MEGF6: variants seen among roughly 807,000 people sequenced by gnomAD.
MEGF6 encodes the protein multiple EGF like domains 6, also known as multiple epidermal growth factor-like domains protein 6.
In MEGF6, 184 loss-of-function variants were observed where a neutral mutation model predicts 207.1. The ratio of observed to expected loss-of-function variants is 0.89; its 90% CI spans 0.79 to 1.00. The LOEUF is 1.00. MEGF6 is among the 50% of genes least tolerant of loss of function. MEGF6 has a pLI of 0.00. For missense variants in MEGF6, 2,282 were observed against 2,202.9 expected (o/e 1.04, Z -0.72); for synonymous variants, 1,038 against 910.0 (o/e 1.14, Z -2.53).
chr1:3,562,458 T>C (rs560628163), intron 4 of MEGF6, among the ~76,000 whole-genome samples: 8 of 152,276 alleles, frequency 5.3e-5, no homozygotes, highest in East Asian at 1.9e-4. Flanking sequence ...AACCCTCGCA[T>C]AGTCAATACC....
At chr1:3,562,916 C>T (rs908440073) in intron 4 of MEGF6, among the ~76,000 whole-genome samples, 6 of 152,132 alleles carry the variant, frequency 3.9e-5, no homozygotes, top group Non-Finnish European at 5.9e-5. Flanking sequence ...CCTCTGTACA[C>T]CCACCCCCAG....
intron 4 of MEGF6, among the ~76,000 whole-genome samples, chr1:3,545,381 G>A (rs879631013): frequency 3.3e-5 from 5 of 152,248 alleles, no homozygotes; most frequent in African/African-American, 1.2e-4. Flanking sequence ...ACAGGCAGCC[G>A]CAGGGGGGAA....
chr1:3,537,404 G>A (rs1300850179), intron 4 of MEGF6, among the ~76,000 whole-genome samples: 4 of 152,254 alleles, frequency 2.6e-5, no homozygotes, highest in African/African-American at 9.6e-5. Flanking sequence ...CCTGACCGAG[G>A]TGGCCATGTT....
At chr1:3,526,288 T>C (rs1641959035) in intron 4 of MEGF6, among the ~76,000 whole-genome samples, 3 of 151,644 alleles carry the variant, frequency 2.0e-5, no homozygotes, top group African/African-American at 7.3e-5. Flanking sequence ...AGACCAACTA[T>C]AGGAGGTGCC....
intron 4 of MEGF6, among the ~76,000 whole-genome samples, chr1:3,554,007 G>A (rs1474451546): frequency 2.6e-5 from 4 of 152,208 alleles, no homozygotes; most frequent in Non-Finnish European, 4.4e-5. Flanking sequence ...AACACCTCAG[G>A]GGCAGGGACA....
At chr1:3,542,808 G>A (rs558388846) in intron 4 of MEGF6, among the ~76,000 whole-genome samples, 50 of 152,312 alleles carry the variant, frequency 3.3e-4, no homozygotes, top group African/African-American at 1.2e-3. Context: ...TGACACCAAC[G>A]GCTGGTTCTG....
At chr1:3,596,220 C>T (rs963657182) in intron 2 of MEGF6, among the ~76,000 whole-genome samples, 7 of 152,030 alleles carry the variant, frequency 4.6e-5, no homozygotes, top group Admixed American at 1.3e-4. Context: ...GGACGGGCTG[C>T]GGCTGTCACT....
chr1:3,597,337 C>G (rs1194656128), intron 2 of MEGF6, among the ~76,000 whole-genome samples: 1 of 152,080 alleles, frequency 6.6e-6, no homozygotes, highest in Non-Finnish European at 1.5e-5. Flanking sequence ...ACGCCTGGGT[C>G]CTCACCCCTC....
rs188261325 is a variant in MEGF6 at position 3,505,523 on chromosome 1, G to C, written c.1952C>G (p.Ser651Trp). 151 of 1,597,166 alleles carry C rather than the reference G, an allele frequency of 9.5e-5. No homozygotes were observed. The highest frequency in any genetic ancestry group is 1.7e-4 in the Middle Eastern group (1 of 5,756). The change falls in exon 16 of 37, where the codon TCG becomes TGG. Residue 651 changes from serine (S) to tryptophan (W), a missense_variant. Physicochemically the swap from Ser to Trp is radical, Grantham distance 177. Transcript: ENST00000356575. ...GGGCTGCACACACTGGCACTCCTCCGAGCAGCCCGGCCCAAAGGCCCACGG... is the reference window on the plus strand; with the variant it reads ...GGGCTGCACACACTGGCACTCCTCCCAGCAGCCCGGCCCAAAGGCCCACGG... ...CPPWAFGPGC[S>W]EECQCVQPHT... is the part of the protein sequence containing the mutation.
chr1:3,584,954 G>A (rs985146958), intron 3 of MEGF6, among the ~76,000 whole-genome samples: 1 of 152,282 alleles, frequency 6.6e-6, no homozygotes, highest in Non-Finnish European at 1.5e-5. Flanking sequence ...GTGCTGAAGA[G>A]GGAACAGAAG....
chr1:3,577,210 T>TG (rs1643668492), intron 4 of MEGF6, among the ~76,000 whole-genome samples: 1 of 152,066 alleles, frequency 6.6e-6, no homozygotes, highest in Non-Finnish European at 1.5e-5. Context: ...AACTGCCCCC[T>TG]GTGAAGGCCA....
Position 3,588,758 on chromosome 1 carries a change from T to G in MEGF6, c.376+6580A>C, listed in dbSNP as rs190319440. On this transcript the variant is annotated intron_variant, in intron 3 of 36. Coordinates refer to ENST00000356575, the MANE Select transcript of MEGF6 (RefSeq NM_001409.4). ...CTCTCTAGACTCAGTTCTTGCTCCA[T>G]CTGCAAATCCAGAATCCCACCCCTT... 2.5e-3 allele frequency among the ~76,000 whole-genome samples: 373 copies of G among 152,154 alleles called. 4 individuals carry two copies. Among genetic ancestry groups the G allele is most frequent in the African/African-American group, 8.3e-3 (343 of 41,486 alleles).
At chr1:3,495,300 G>GA (rs781403437) in intron 30 of MEGF6, among the ~76,000 whole-genome samples, 2 of 152,170 alleles carry the variant, frequency 1.3e-5, no homozygotes, top group Non-Finnish European at 2.9e-5. Context: ...AATGAGCCCA[G>GA]AAGGCCAAGA....
chr1:3,504,782 G>GCACC (rs1173806451), intron 17 of MEGF6, among the ~76,000 whole-genome samples: 1 of 152,186 alleles, frequency 6.6e-6, no homozygotes, highest in Non-Finnish European at 1.5e-5. Flanking sequence ...GGCCGGCACT[G>GCACC]CACCCAGACC....
At chr1:3,614,283 G>C (rs572491298), upstream of MEGF6, among the ~76,000 whole-genome samples, 12 of 152,296 alleles carry the variant, frequency 7.9e-5, no homozygotes, top group African/African-American at 2.6e-4. Context: ...GGAGGGCATG[G>C]GTGTCACTCA....
Position 3,498,810 on chromosome 1 carries a change from C to T in MEGF6, c.3111G>A (p.Leu1037=), listed in dbSNP as rs780809048. ...AGGAATGCCGACAGTTGTCGCCGTACAGGCCGGCAGGGCAGGCTGGGGCCA... is the reference window on the plus strand; with the variant it reads ...AGGAATGCCGACAGTTGTCGCCGTATAGGCCGGCAGGGCAGGCTGGGGCCA... ...PSCLQACPAG[L]YGDNCRHSCL... Residue 1037 remains leucine, a synonymous_variant, in exon 25 of 37, where the codon CTG becomes CTA. Coordinates refer to ENST00000356575, the MANE Select transcript of MEGF6 (RefSeq NM_001409.4). The T allele has an allele frequency of 1.9e-6, 3 of 1,553,784 alleles. No individual in the cohort carries two copies. The highest frequency in any genetic ancestry group is 2.4e-5 in the South Asian group (2 of 84,398).
chr1:3,517,372 G>A (rs1215713103), intron 5 of MEGF6, among the ~76,000 whole-genome samples: 1 of 152,196 alleles, frequency 6.6e-6, no homozygotes, highest in Non-Finnish European at 1.5e-5. Context: ...AGCCCACCAG[G>A]GCGGGGGGAT....
intron 4 of MEGF6, among the ~76,000 whole-genome samples, chr1:3,553,382 G>A (rs999755302): frequency 1.3e-5 from 2 of 151,788 alleles, no homozygotes; most frequent in African/African-American, 2.4e-5. Flanking sequence ...AGGAACAGGC[G>A]GGACGGGGAC....
intron 18 of MEGF6, 108 bp downstream of exon 18, chr1:3,501,688 T>C: frequency 7.0e-7 from 1 of 1,424,808 alleles, no homozygotes; most frequent in South Asian, 1.4e-5. Flanking sequence ...ACACCTGCTA[T>C]AGACGGGCCT....
Sources: gnomAD v4.1 joint callset for allele counts (sites outside exome capture counted in the v4.1 genomes callset) on GRCh38, gnomAD v4.1.1 for gene constraint, MANE v1.5 for transcripts, NCBI Gene and HGNC (gene_info 2026-07-23, HGNC 2026-07-21) for gene names.